GARIN5A: variants seen among roughly 807,000 people sequenced by gnomAD.
The protein encoded by GARIN5A is golgi associated RAB2 interactor 5A, also known as Golgi-associated RAB2 interactor protein 5A.
chr19:50,469,613 G>A, the GARIN5A span, among the ~76,000 whole-genome samples: 5 of 152,238 alleles, frequency 3.3e-5, no homozygotes, highest in East Asian at 1.9e-4. Flanking sequence ...GCTCAGGCCC[G>A]CAGCCCGATT....
chr19:50,472,415 C>T, the GARIN5A span, among the ~76,000 whole-genome samples: 13 of 151,944 alleles, frequency 8.6e-5, no homozygotes, highest in Admixed American at 7.9e-4. Flanking sequence ...AGTCCTGAGG[C>T]CAAATTTGCA....
chr19:50,476,586 C>T, the GARIN5A span: 1 of 1,575,872 alleles, frequency 6.3e-7, no homozygotes, highest in Non-Finnish European at 8.6e-7. Context: ...TGCTCCTGCT[C>T]TTGCTGATGG....
At chr19:50,472,161 T>TATATACGTGTGTATATGTAC in the GARIN5A span, among the ~76,000 whole-genome samples, 1 of 150,630 alleles carries the variant, frequency 6.6e-6, no homozygotes, top group African/African-American at 2.5e-5. Context: ...TGTATATGTA[T>TATATACGTGTGTATATGTAC]GTATACGTGT....
At chr19:50,471,931 T>C in the GARIN5A span, among the ~76,000 whole-genome samples, 4 of 150,950 alleles carry the variant, frequency 2.6e-5, no homozygotes, top group South Asian at 2.1e-4. Flanking sequence ...TATATACATG[T>C]ATGTGTGTAA....
the GARIN5A span, chr19:50,476,645 C>T: frequency 6.5e-7 from 1 of 1,538,188 alleles, no homozygotes. Flanking sequence ...CGGGCCGGGA[C>T]TGGTGCGCGA....
the GARIN5A span, among the ~76,000 whole-genome samples, chr19:50,471,985 T>C: frequency 6.7e-6 from 1 of 149,876 alleles, no homozygotes; most frequent in Non-Finnish European, 1.5e-5. Context: ...TATGTGTGTA[T>C]ATGTATATAT....
At chr19:50,468,833 T>C in the GARIN5A span, among the ~76,000 whole-genome samples, 1 of 152,206 alleles carries the variant, frequency 6.6e-6, no homozygotes, top group Non-Finnish European at 1.5e-5. Flanking sequence ...CTCCAACTCC[T>C]GGGCTCAAGT....
chr19:50,476,028 C>G, the GARIN5A span: 1 of 1,605,692 alleles, frequency 6.2e-7, no homozygotes, highest in Non-Finnish European at 8.5e-7. Flanking sequence ...GGCACAGCCC[C>G]GCGGAGAGGA....
At chr19:50,467,417 GGAGT>G in the GARIN5A span, 1 of 603,056 alleles carries the variant, frequency 1.7e-6, no homozygotes, top group Non-Finnish European at 2.9e-6. Context: ...CTCAGACCCA[GGAGT>G]CCAGGACCCC....
At chr19:50,472,169 T>TGTGTATATGTATGTATAC in the GARIN5A span, among the ~76,000 whole-genome samples, 6 of 146,338 alleles carry the variant, frequency 4.1e-5, no homozygotes, top group Admixed American at 2.0e-4. Flanking sequence ...TATGTATACG[T>TGTGTATATGTATGTATAC]GTGTATATGT....
chr19:50,472,162 GTATA>G, the GARIN5A span, among the ~76,000 whole-genome samples: 1 of 98,046 alleles, frequency 1.0e-5, no homozygotes, highest in South Asian at 3.9e-4. Context: ...GTATATGTAT[GTATA>G]CGTGTGTATA....
chr19:50,470,737 C>T, the GARIN5A span, among the ~76,000 whole-genome samples: 1 of 150,202 alleles, frequency 6.7e-6, no homozygotes. Context: ...TCACTGCAAC[C>T]TCCACCTCCT....
At chr19:50,471,882 G>A in the GARIN5A span, among the ~76,000 whole-genome samples, 1 of 150,870 alleles carries the variant, frequency 6.6e-6, no homozygotes, top group Non-Finnish European at 1.5e-5. Context: ...ATGCATACAT[G>A]TGTGTATATG....
chr19:50,467,575 G>GCCT, the GARIN5A span: 1 of 1,541,798 alleles, frequency 6.5e-7, no homozygotes, highest in Non-Finnish European at 8.8e-7. Flanking sequence ...CTCCCTCTGG[G>GCCT]CCTCCACCTC....
the GARIN5A span, among the ~76,000 whole-genome samples, chr19:50,472,046 GTATA>G: frequency 7.0e-6 from 1 of 141,872 alleles, no homozygotes; most frequent in Non-Finnish European, 1.5e-5. Context: ...GTGTGTATAT[GTATA>G]TATACGTGTG....
the GARIN5A span, chr19:50,475,942 A>G: frequency 6.2e-7 from 1 of 1,612,382 alleles, no homozygotes; most frequent in Non-Finnish European, 8.5e-7. Context: ...GGCTGCAACC[A>G]GGAGGCATTT....
chr19:50,471,805 C>T, the GARIN5A span, among the ~76,000 whole-genome samples: 19 of 144,008 alleles, frequency 1.3e-4, no homozygotes, highest in Non-Finnish European at 2.4e-4. Flanking sequence ...CATGTGTATA[C>T]GCATACATAC....
the GARIN5A span, chr19:50,475,480 G>A: frequency 3.7e-5 from 59 of 1,586,980 alleles, no homozygotes; most frequent in Non-Finnish European, 5.0e-5. Flanking sequence ...CAGAGGTCGG[G>A]GCAGGATAGA....
the GARIN5A span, among the ~76,000 whole-genome samples, chr19:50,471,683 CGTGTGTGTATACGCATACATGCACGTGT>C: frequency 1.4e-5 from 2 of 143,358 alleles, no homozygotes; most frequent in East Asian, 2.0e-4. Context: ...CATACATGCA[CGTGTGTGTATACGCATACATGCACGTGT>C]GTGTATACGC....
Sources: allele counts gnomAD v4.1 joint callset (sites outside exome capture counted in the v4.1 genomes callset), GRCh38; gene constraint gnomAD v4.1.1; transcripts MANE v1.5; gene names NCBI Gene and HGNC (gene_info 2026-07-23, HGNC 2026-07-21).